Variants in ODAD4 observed in about 807,000 individuals in gnomAD.
ODAD4 encodes outer dynein arm docking complex subunit 4, also known as outer dynein arm-docking complex subunit 4.
In ODAD4, 49 loss-of-function variants were observed where a neutral mutation model predicts 51.8. The ratio of observed to expected loss-of-function variants is 0.95; its 90% CI spans 0.75 to 1.20. The LOEUF (loss-of-function observed/expected upper bound fraction) is 1.20, where lower values mean the gene tolerates loss of function less well. Ranked by LOEUF, ODAD4 falls within the 50% of genes most tolerant of loss-of-function variation. The pLI is 0.00. For missense variants in ODAD4, 590 were observed against 586.5 expected, an observed-to-expected ratio of 1.01 and a Z score of -0.06; for synonymous variants, 235 against 221.3, an observed-to-expected ratio of 1.06 and a Z score of -0.55.
intron 7 of ODAD4, among the ~76,000 whole-genome samples, chr17:41,944,683 C>T (rs1158145591): frequency 2.0e-5 from 3 of 151,616 alleles, no homozygotes; most frequent in East Asian, 3.9e-4. Context: ...CCCAGCAACT[C>T]AGGGGCTGAG....
At position 41,936,746 on chromosome 17, in the gene ODAD4, T is replaced by G. The variant is rs376297467; in HGVS notation, c.460-16T>G. The G allele has an allele frequency of 1.9e-6, 3 of 1,613,612 alleles. No homozygotes were observed. Among genetic ancestry groups the G allele is most frequent in the Admixed American group, 1.7e-5 (1 of 59,932 alleles). Reference sequence around the variant, plus strand: ...TCCTTGCTGAAGCTCTGTTGGGTGTTGCTCCATTTTCTCAGAATATAAAAG... The same window carrying G: ...TCCTTGCTGAAGCTCTGTTGGGTGTGGCTCCATTTTCTCAGAATATAAAAG... On this transcript the variant is annotated splice_polypyrimidine_tract_variant and intron_variant, in intron 4 of 11. Transcript: ENST00000377540.
rs1555638200 is a variant in ODAD4 at position 41,938,632 on chromosome 17, C to T, written c.701C>T (p.Thr234Ile). 6.2e-7 allele frequency: 1 copy of T among 1,613,986 alleles called. No homozygotes were observed. Reference sequence around the variant, plus strand: ...ATGACGGGCATCAACTACCTGGATACTCACAGCAACTTCTGGAGGCAGCAG... The same window carrying T: ...ATGACGGGCATCAACTACCTGGATATTCACAGCAACTTCTGGAGGCAGCAG... ...LIMTGINYLD[T>I]HSNFWRQQKP... The change falls in exon 6 of 12, where the codon ACT becomes ATT. Residue 234 changes from threonine to isoleucine, a missense_variant. Transcript: ENST00000377540.
chr17:41,962,461 C>T (rs1555641896), intron 11 of ODAD4, among the ~76,000 whole-genome samples: 1 of 152,170 alleles, frequency 6.6e-6, no homozygotes, highest in Non-Finnish European at 1.5e-5. Flanking sequence ...GGCTGAGCAG[C>T]CCTACCCCAC....
Position 41,955,465 on chromosome 17 carries a change from T to C in ODAD4, c.1443+148T>C, listed in dbSNP as rs150653755. On this transcript the variant is annotated intron_variant, in intron 10 of 11. Transcript: ENST00000377540. ...TGTTTTGAGACAGAGTCTTGCTCTG[T>C]TGCCCAGGCTGGAGTGCAATGGCGT... 8.5e-4 allele frequency: 498 copies of C among 583,896 alleles called. 4 individuals carry two copies. The East Asian group carries it at 0.013, about 16-fold the overall frequency. 36.2% of individuals were successfully genotyped at this position (583,896 alleles called of 1,614,324 possible).
At chr17:41,959,144 G>A (rs1383923429) in intron 10 of ODAD4, among the ~76,000 whole-genome samples, 1 of 152,222 alleles carries the variant, frequency 6.6e-6, no homozygotes, top group Non-Finnish European at 1.5e-5. Context: ...GACCAGGGGA[G>A]AAACTTGGAG....
intron 7 of ODAD4, 108 bp downstream of exon 7, chr17:41,939,280 C>CTGCA (rs1446823254): frequency 2.8e-6 from 3 of 1,089,114 alleles, no homozygotes; most frequent in African/African-American, 1.6e-5. Flanking sequence ...ATTTTCTGCT[C>CTGCA]TGCATGCCTG....
Position 41,938,541 on chromosome 17 carries a change from C to T in ODAD4, c.626-16C>T, listed in dbSNP as rs1382119577. ...GCCTGTTCTCCTTGGCGCCTCCTCA[C>T]ACCCCTTCCCCACAGACCTGATCAA... On this transcript the variant is annotated splice_polypyrimidine_tract_variant and intron_variant, in intron 5 of 11. Transcript: ENST00000377540. 1 of 1,610,706 alleles carries T rather than the reference C, an allele frequency of 6.2e-7. No individual in the cohort carries two copies. The highest frequency in any genetic ancestry group is 2.2e-5 in the East Asian group (1 of 44,856).
chr17:41,961,607 C>G, intron 11 of ODAD4, 141 bp downstream of exon 11: 1 of 646,332 alleles, frequency 1.5e-6, no homozygotes, highest in South Asian at 1.8e-5. Context: ...TCAGTGCCAC[C>G]AGCAGCCCTA....
rs540493378 is a variant in ODAD4 at position 41,960,275 on chromosome 17, C to G, written c.1444-1107C>G. ...TTGGGTCCAAGAGTTCTAGACCAGCCTGGGCATCATAGCAAGACCCTGTCT... is the reference window on the plus strand; with the variant it reads ...TTGGGTCCAAGAGTTCTAGACCAGCGTGGGCATCATAGCAAGACCCTGTCT... On this transcript the variant is annotated intron_variant, in intron 10 of 11. Transcript: ENST00000377540. 7.9e-4 allele frequency among the ~76,000 whole-genome samples: 120 copies of G among 152,258 alleles called. 2 individuals carry two copies. Among genetic ancestry groups the G allele is most frequent in the South Asian group, 2.5e-3 (12 of 4,826 alleles).
intron 5 of ODAD4, among the ~76,000 whole-genome samples, chr17:41,937,735 G>T (rs1363729010): frequency 6.6e-6 from 1 of 152,188 alleles, no homozygotes. Context: ...GCCTCCCAAA[G>T]TGCTGGGATT....
intron 5 of ODAD4, 146 bp downstream of exon 5, chr17:41,937,073 A>G: frequency 3.0e-6 from 3 of 1,007,738 alleles, no homozygotes; most frequent in Non-Finnish European, 4.4e-6. Flanking sequence ...CATTTTACAG[A>G]TGAGGAAACT....
rs564085642 is a variant in ODAD4 at position 41,964,892 on chromosome 17, C to T, written c.1529-101C>T. On this transcript the variant is annotated intron_variant, in intron 11 of 11. Coordinates refer to ENST00000377540, the MANE Select transcript of ODAD4 (RefSeq NM_031421.5). ...TCCTGGCCTCAAGGGATCTGCCTGC[C>T]TCAGCCTCCCAAAGTGCTGAGATTA... is the stretch of plus-strand genomic sequence containing the variant. The T allele has an allele frequency of 2.1e-3, 1,267 of 607,680 alleles. 2 individuals carry two copies. The highest frequency in any genetic ancestry group is 6.1e-3 in the South Asian group (301 of 49,104). 37.6% of individuals were successfully genotyped at this position (607,680 alleles called of 1,614,324 possible).
At chr17:41,948,734 G>A (rs966511194) in intron 8 of ODAD4, among the ~76,000 whole-genome samples, 99 of 150,700 alleles carry the variant, frequency 6.6e-4, no homozygotes, top group African/African-American at 2.3e-3. Context: ...TCCACCTCCC[G>A]GGTTCAAGTG....
At chr17:41,937,825 G>A (rs1284176636) in intron 5 of ODAD4, among the ~76,000 whole-genome samples, 2 of 152,234 alleles carry the variant, frequency 1.3e-5, no homozygotes, top group Non-Finnish European at 2.9e-5. Context: ...AAGGACAGAA[G>A]CCTGAGATGA....
chr17:41,934,038 C>CTTTTTTTTTTTTTTTTTTTTTTTT (rs782039270), intron 1 of ODAD4, among the ~76,000 whole-genome samples: 105 of 65,512 alleles, frequency 1.6e-3, no homozygotes, highest in South Asian at 2.2e-3. Context: ...TTCTTTCTTT[C>CTTTTTTTTTTTTTTTTTTTTTTTT]TTTTTTTTTT....
chr17:41,955,635 A>G (rs990556801), intron 10 of ODAD4, among the ~76,000 whole-genome samples: 3 of 152,080 alleles, frequency 2.0e-5, no homozygotes, highest in Non-Finnish European at 4.4e-5. Flanking sequence ...ACTGTTAGCC[A>G]GGATGGTCTC....
At chr17:41,952,665 G>A (rs1555640360) in intron 9 of ODAD4, 1 of 517,202 alleles carries the variant, frequency 1.9e-6, no homozygotes. Context: ...CACTGGTCTT[G>A]AAAGGAATAC....
intron 1 of ODAD4, among the ~76,000 whole-genome samples, chr17:41,934,226 G>T (rs1333847984): frequency 6.6e-6 from 1 of 151,534 alleles, no homozygotes; most frequent in Non-Finnish European, 1.5e-5. Flanking sequence ...ATTTTTAGTA[G>T]AAATGGGTTT....
chr17:41,931,068 G>A lies in ODAD4; in HGVS notation c.114+231G>A, dbSNP rs1005493051. On this transcript the variant is annotated intron_variant, in intron 1 of 11. Transcript: ENST00000377540. ...GCCACCATGCCCGGCTAATTATTTTGTCTTTTTAGTAGAGATGGGGGTTTC... is the reference window on the plus strand; with the variant it reads ...GCCACCATGCCCGGCTAATTATTTTATCTTTTTAGTAGAGATGGGGGTTTC... 9.2e-5 allele frequency among the ~76,000 whole-genome samples: 14 copies of A among 151,734 alleles called. No homozygotes were observed. The East Asian group carries it at 2.5e-3, about 27-fold the overall frequency.
Sources: gnomAD v4.1 joint callset for allele counts (sites outside exome capture counted in the v4.1 genomes callset) on GRCh38, gnomAD v4.1.1 for gene constraint, MANE v1.5 for transcripts, NCBI Gene and HGNC (gene_info 2026-07-23, HGNC 2026-07-21) for gene names.